Variants in TAOK3 observed in about 807,000 individuals in gnomAD.
TAOK3 encodes the protein serine/threonine-protein kinase TAO3.
TAOK3 carries 40 observed loss-of-function variants against 120.4 expected under a neutral mutation model. The ratio of observed to expected loss-of-function variants is 0.33; its 90% CI spans 0.26 to 0.43. The LOEUF is 0.43. Ranked by LOEUF, TAOK3 falls within the 20% of genes least tolerant of loss-of-function variation. The probability of loss-of-function intolerance (pLI) is 1.00; values close to 1 mark genes in which losing one functional copy is unlikely to be tolerated. For synonymous variants in TAOK3, 355 were observed against 387.5 expected (o/e 0.92, Z 0.99); for missense variants, 821 against 1,112.1 (o/e 0.74, Z 3.72).
chr12:118,223,807 T>G (rs1042693264), intron 9 of TAOK3, among the ~76,000 whole-genome samples: 1 of 151,980 alleles, frequency 6.6e-6, no homozygotes, highest in South Asian at 2.1e-4. Context: ...CTACACCTAA[T>G]TTTTGCATTT....
At chr12:118,360,937 G>A (rs547735069) in intron 1 of TAOK3, among the ~76,000 whole-genome samples, 1 of 152,262 alleles carries the variant, frequency 6.6e-6, no homozygotes, top group Admixed American at 6.5e-5. Context: ...TGGAGGTAAA[G>A]GCATATGTTC....
chr12:118,256,105 A>T (rs941149171), intron 2 of TAOK3: 10 of 152,226 alleles, frequency 6.6e-5, no homozygotes, highest in Middle Eastern at 6.8e-3. Context: ...AAAAGAACAG[A>T]CATATGATTT....
At chr12:118,152,443 C>T in intron 19 of TAOK3, 34 bp from the exon 20 acceptor site, 4 of 1,575,240 alleles carry the variant, frequency 2.5e-6, no homozygotes, top group Non-Finnish European at 3.5e-6. Flanking sequence ...GGTCATGCAC[C>T]CTTGCCTACA....
chr12:118,306,548 G>A (rs1282524539), intron 1 of TAOK3, among the ~76,000 whole-genome samples: 1 of 152,002 alleles, frequency 6.6e-6, no homozygotes, highest in African/African-American at 2.4e-5. Flanking sequence ...GATTGTAAAT[G>A]GATGTGAAAC....
At chr12:118,159,611 T>C (rs2035086370) in intron 19 of TAOK3, among the ~76,000 whole-genome samples, 1 of 152,178 alleles carries the variant, frequency 6.6e-6, no homozygotes, top group African/African-American at 2.4e-5. Flanking sequence ...CCACTTACCA[T>C]GTTTTACTAT....
intron 13 of TAOK3, among the ~76,000 whole-genome samples, chr12:118,193,728 C>T (rs2037557940): frequency 6.6e-6 from 1 of 152,182 alleles, no homozygotes; most frequent in African/African-American, 2.4e-5. Flanking sequence ...GAATTACAGG[C>T]GTGAGCCACC....
intron 1 of TAOK3, among the ~76,000 whole-genome samples, chr12:118,361,462 CTT>C (rs879290391): frequency 4.2e-5 from 6 of 141,980 alleles, no homozygotes; most frequent in Non-Finnish European, 6.2e-5. Context: ...ATTTTTTTTT[CTT>C]TTTTTTTTTT....
intron 1 of TAOK3, among the ~76,000 whole-genome samples, chr12:118,351,539 T>C (rs778160998): frequency 2.6e-5 from 4 of 152,214 alleles, no homozygotes; most frequent in Admixed American, 6.5e-5. Context: ...CTTACATATA[T>C]AAAACATTTT....
intron 14 of TAOK3, among the ~76,000 whole-genome samples, chr12:118,183,174 C>T (rs1417116329): frequency 6.6e-6 from 1 of 152,124 alleles, no homozygotes; most frequent in Non-Finnish European, 1.5e-5. Context: ...TTTCAAGCTG[C>T]TATTAATTTT....
intron 1 of TAOK3, among the ~76,000 whole-genome samples, chr12:118,288,247 G>A (rs1399733674): frequency 6.6e-6 from 1 of 151,960 alleles, no homozygotes; most frequent in Non-Finnish European, 1.5e-5. Flanking sequence ...GAAAAGGTCT[G>A]CTCAGGTTCT....
intron 1 of TAOK3, among the ~76,000 whole-genome samples, chr12:118,293,759 A>T (rs1452853035): frequency 6.6e-6 from 1 of 152,054 alleles, no homozygotes; most frequent in Non-Finnish European, 1.5e-5. Flanking sequence ...CATGCCTGTA[A>T]TCCCAGCACT....
chr12:118,293,999 G>A (rs1318276277), intron 1 of TAOK3, among the ~76,000 whole-genome samples: 1 of 151,520 alleles, frequency 6.6e-6, no homozygotes, highest in Non-Finnish European at 1.5e-5. Flanking sequence ...TAGGCAACAA[G>A]AGGGAAACTC....
At chr12:118,322,696 A>G (rs975689390) in intron 1 of TAOK3, among the ~76,000 whole-genome samples, 6 of 150,194 alleles carry the variant, frequency 4.0e-5, no homozygotes, top group Non-Finnish European at 5.9e-5. Flanking sequence ...TTTTTCCCCC[A>G]AACATTAAAA....
intron 2 of TAOK3, among the ~76,000 whole-genome samples, chr12:118,258,659 C>A (rs932589366): frequency 6.6e-6 from 1 of 151,574 alleles, no homozygotes; most frequent in African/African-American, 2.4e-5. Context: ...TTGCAGTGAG[C>A]CGAGATCGTG....
At chr12:118,286,933 T>C (rs2042288263) in intron 1 of TAOK3, among the ~76,000 whole-genome samples, 1 of 152,210 alleles carries the variant, frequency 6.6e-6, no homozygotes, top group Non-Finnish European at 1.5e-5. Flanking sequence ...TGGATGAGAC[T>C]GGAGACTGCT....
chr12:118,250,234 T>A (rs1391197767), intron 3 of TAOK3, among the ~76,000 whole-genome samples: 2 of 152,182 alleles, frequency 1.3e-5, no homozygotes, highest in Non-Finnish European at 2.9e-5. Flanking sequence ...GTGCTGGGAT[T>A]ACATGTGTGA....
chr12:118,238,157 G>A lies in TAOK3; in HGVS notation c.353C>T (p.Pro118Leu). The change falls in exon 7 of 21, where the codon CCA becomes CTA. Residue 118 changes from proline to leucine, a missense_variant. Transcript: ENST00000392533. ...ASDLLEVHKK[P>L]LQEVEIAAIT... The stretch of plus-strand genomic sequence containing the variant: ...GGCAGCGATCTCCACTTCCTGAAGT[G>A]GTTTTTTATGAACTGAGGAAGGAAA... 3 of 1,608,704 alleles carry A rather than the reference G, an allele frequency of 1.9e-6. No individual in the cohort carries two copies. Among genetic ancestry groups the A allele is most frequent in the Non-Finnish European group, 2.5e-6 (3 of 1,176,936 alleles).
chr12:118,176,153 C>A (rs934926164), intron 16 of TAOK3, among the ~76,000 whole-genome samples: 1 of 152,188 alleles, frequency 6.6e-6, no homozygotes, highest in Admixed American at 6.5e-5. Context: ...ATAACCAATC[C>A]CGCATTGCAC....
At chr12:118,343,107 A>T (rs1326349754) in intron 1 of TAOK3, among the ~76,000 whole-genome samples, 1 of 151,822 alleles carries the variant, frequency 6.6e-6, no homozygotes, top group East Asian at 1.9e-4. Flanking sequence ...TGTGGAGTAA[A>T]TTTATTAATC....
Sources: allele counts gnomAD v4.1 joint callset (sites outside exome capture counted in the v4.1 genomes callset), GRCh38; gene constraint gnomAD v4.1.1; transcripts MANE v1.5; gene names NCBI Gene and HGNC (gene_info 2026-07-23, HGNC 2026-07-21).